The following OLFM3 variants were observed in gnomAD, a reference collection of about 807,000 sequenced individuals.
OLFM3 encodes the protein olfactomedin 3.
In OLFM3, 20 loss-of-function variants were observed where a neutral mutation model predicts 48.6. The ratio of observed to expected loss-of-function variants is 0.41; its 90% CI spans 0.29 to 0.60. The LOEUF (loss-of-function observed/expected upper bound fraction) is 0.60. Among genes scored for constraint, OLFM3 ranks in the 20% least tolerant of loss-of-function variants. The pLI is 0.28. For missense variants in OLFM3, 437 were observed against 544.3 expected (o/e 0.80, Z 1.96); for synonymous variants, 222 against 198.1 (o/e 1.12, Z -1.01).
chr1:101,890,095 G>T (rs1378041126), intron 1 of OLFM3, among the ~76,000 whole-genome samples: 2 of 151,986 alleles, frequency 1.3e-5, no homozygotes, highest in African/African-American at 4.8e-5. Context: ...ACCTTTTAAT[G>T]ATCTTGGAAA....
chr1:101,844,837 A>C (rs1037438227), intron 1 of OLFM3, among the ~76,000 whole-genome samples: 2 of 152,198 alleles, frequency 1.3e-5, no homozygotes, highest in African/African-American at 4.8e-5. Context: ...ATCTGCTGCT[A>C]AAAATAGTAT....
Position 101,836,974 on chromosome 1 carries a change from G to C in OLFM3, c.121C>G (p.Pro41Ala). ...ACTGTGCAAATGCACCGCCCATCAG[G>C]ATCCTGAGCTGAGCTGTACACCTGC... ...GWQVYSSAQD[P>A]DGRCICTVVA... Residue 41 changes from proline (P) to alanine (A), a missense_variant, in exon 2 of 6, where the codon CCT (proline) becomes GCT (alanine). Coordinates refer to ENST00000370103, the MANE Select transcript of OLFM3 (RefSeq NM_058170.4). The C allele has an allele frequency of 6.2e-7, 1 of 1,614,102 alleles. No homozygotes were observed. Among genetic ancestry groups the C allele is most frequent in the Non-Finnish European group, 8.5e-7 (1 of 1,179,996 alleles).
rs550168713 is a variant in OLFM3 at position 101,935,124 on chromosome 1, C to T, written c.69+61624G>A. ...AGACAAGAAAAAACCAAAATCAGAG[C>T]TGAACTGAAGGAGGTTGATCTTTTG... On this transcript the variant is annotated intron_variant, in intron 1 of 5. Transcript: ENST00000370103. 1.1e-3 allele frequency among the ~76,000 whole-genome samples: 167 copies of T among 151,620 alleles called. 1 individual carries two copies. The highest frequency in any genetic ancestry group is 1.9e-3 in the Admixed American group (29 of 15,214).
chr1:101,896,455 C>T (rs1424035237), intron 1 of OLFM3, among the ~76,000 whole-genome samples: 2 of 144,854 alleles, frequency 1.4e-5, no homozygotes, highest in African/African-American at 5.1e-5. Flanking sequence ...TTGTGCAGGA[C>T]GTTTTTATTT....
In OLFM3 at chr1:101,804,162, GA is replaced by G. The variant is rs1570493167; in HGVS notation, c.*75del. On this transcript the variant is annotated 3_prime_UTR_variant, in exon 6 of 6. Transcript: ENST00000370103. The surrounding 1 kb of genome is among the most constrained non-coding windows in gnomAD (Gnocchi z 4.5). ...AGAAATGATGAAAAATAATAGTGAA[GA>G]AAAAAACGGAAGGGGTCTTATAGAG... The G allele has an allele frequency of 1.7e-6, 2 of 1,151,206 alleles. No homozygotes were observed. The highest frequency in any genetic ancestry group is 3.1e-5 in the Admixed American group (1 of 31,836). 71.3% of individuals were successfully genotyped at this position (1,151,206 alleles called of 1,614,324 possible).
In OLFM3 at chr1:101,941,651, A is replaced by T. The variant is rs1011062575; in HGVS notation, c.69+55097T>A. Among the ~76,000 whole-genome samples the T allele has an allele frequency of 3.9e-5, 6 of 152,168 alleles. No homozygotes were observed. The East Asian group carries it at 7.7e-4, about 20-fold the overall frequency. ...TTAAAATTGTAGAAACATTTTAAAG[A>T]ATTTTAAAAAGCATATGACATTTCA... On this transcript the variant is annotated intron_variant, in intron 1 of 5. Coordinates refer to ENST00000370103, the MANE Select transcript of OLFM3 (RefSeq NM_058170.4).
chr1:101,972,738 C>T (rs1371004115), intron 1 of OLFM3, among the ~76,000 whole-genome samples: 1 of 152,144 alleles, frequency 6.6e-6, no homozygotes, highest in Non-Finnish European at 1.5e-5. Flanking sequence ...AACAGGTCTC[C>T]ATTTTGCTTT....
At chr1:101,947,136 A>G (rs1429759369) in intron 1 of OLFM3, among the ~76,000 whole-genome samples, 1 of 152,184 alleles carries the variant, frequency 6.6e-6, no homozygotes, top group Non-Finnish European at 1.5e-5. Context: ...AGTTTTAAGC[A>G]TATTCTTAAA....
At chr1:101,815,928 C>T (rs1332828738) in intron 4 of OLFM3, among the ~76,000 whole-genome samples, 1 of 152,144 alleles carries the variant, frequency 6.6e-6, no homozygotes, top group Non-Finnish European at 1.5e-5. Flanking sequence ...AGAAAGGTAT[C>T]TAGCACAGAA....
chr1:101,858,509 T>C (rs1656518802), intron 1 of OLFM3, among the ~76,000 whole-genome samples: 1 of 151,900 alleles, frequency 6.6e-6, no homozygotes, highest in African/African-American at 2.4e-5. Flanking sequence ...CAATGTGCAA[T>C]GGGTCATTGA....
chr1:101,804,227 G>A lies in OLFM3; in HGVS notation c.*11C>T, dbSNP rs77507513. The A allele has an allele frequency of 1.1e-3, 1,660 of 1,549,504 alleles. 18 individuals carry two copies. The African/African-American group carries it at 0.02, about 18-fold the overall frequency. On this transcript the variant is annotated 3_prime_UTR_variant, in exon 6 of 6. Coordinates refer to ENST00000370103, the MANE Select transcript of OLFM3 (RefSeq NM_058170.4). This position sits in a 1 kb window ranked among gnomAD's most constrained non-coding sequence, Gnocchi z 4.5. ...ACACTGTTTAAATCAATGAAAACAT[G>A]TCACATTTGCCTATGTGTCATCCTC... is the stretch of plus-strand genomic sequence containing the variant.
intron 4 of OLFM3, among the ~76,000 whole-genome samples, chr1:101,812,212 T>C (rs1013139713): frequency 2.0e-5 from 3 of 151,988 alleles, no homozygotes; most frequent in African/African-American, 7.2e-5. Flanking sequence ...GGAGGGATAT[T>C]ATTAGGAGAT....
chr1:101,921,928 G>A (rs1356049889), intron 1 of OLFM3, among the ~76,000 whole-genome samples: 6 of 152,128 alleles, frequency 3.9e-5, no homozygotes, highest in East Asian at 1.9e-4. Context: ...GCATGGTGGC[G>A]GGTGCCTGTA....
At chr1:101,977,517 T>A (rs567948606) in intron 1 of OLFM3, among the ~76,000 whole-genome samples, 52 of 152,120 alleles carry the variant, frequency 3.4e-4, no homozygotes, top group Non-Finnish European at 7.6e-4. Flanking sequence ...TAAAATACAT[T>A]TCAGAACTGG....
chr1:101,881,345 C>T (rs1242353364), intron 1 of OLFM3, among the ~76,000 whole-genome samples: 1 of 151,866 alleles, frequency 6.6e-6, no homozygotes, highest in Non-Finnish European at 1.5e-5. Flanking sequence ...GCTTTCTGAA[C>T]ATTGAGATAT....
chr1:101,804,217 A>G lies in OLFM3; in HGVS notation c.*21T>C. The stretch of plus-strand genomic sequence containing the variant: ...ATCACAAATCACACTGTTTAAATCA[A>G]TGAAAACATGTCACATTTGCCTATG... On this transcript the variant is annotated 3_prime_UTR_variant, in exon 6 of 6. Coordinates refer to ENST00000370103, the MANE Select transcript of OLFM3 (RefSeq NM_058170.4). This position sits in a 1 kb window ranked among gnomAD's most constrained non-coding sequence, Gnocchi z 4.5. The G allele has an allele frequency of 6.5e-7, 1 of 1,536,390 alleles. No homozygotes were observed. The highest frequency in any genetic ancestry group is 8.8e-7 in the Non-Finnish European group (1 of 1,140,280).
At chr1:101,908,932 G>A (rs1004644846) in intron 1 of OLFM3, among the ~76,000 whole-genome samples, 1 of 152,158 alleles carries the variant, frequency 6.6e-6, no homozygotes, top group East Asian at 1.9e-4. Flanking sequence ...TTTGGTTCCA[G>A]AACTATAAAA....
chr1:101,855,062 A>G (rs1324130537), intron 1 of OLFM3, among the ~76,000 whole-genome samples: 3 of 152,094 alleles, frequency 2.0e-5, no homozygotes, highest in Non-Finnish European at 4.4e-5. Flanking sequence ...ACTTTGGAGT[A>G]AATTAACAAT....
At chr1:101,841,965 T>G (rs1472776092) in intron 1 of OLFM3, among the ~76,000 whole-genome samples, 1 of 152,114 alleles carries the variant, frequency 6.6e-6, no homozygotes, top group East Asian at 1.9e-4. Flanking sequence ...GAGTGACATG[T>G]GGTTTAGCAT....
Sources: allele counts gnomAD v4.1 joint callset (sites outside exome capture counted in the v4.1 genomes callset), GRCh38; gene constraint gnomAD v4.1.1; non-coding constraint Gnocchi (gnomAD v3.1); transcripts MANE v1.5; gene names NCBI Gene and HGNC (gene_info 2026-07-23, HGNC 2026-07-21).